The following NKAIN2 variants were observed in gnomAD, a reference collection of about 807,000 sequenced individuals.
The protein encoded by NKAIN2 is sodium/potassium transporting ATPase interacting 2.
A neutral mutation model predicts 32.6 loss-of-function variants in NKAIN2; 14 were observed. The ratio of observed to expected loss-of-function variants is 0.43; its 90% CI spans 0.28 to 0.67. The LOEUF (loss-of-function observed/expected upper bound fraction) is 0.67, where lower values mean the gene tolerates loss of function less well. NKAIN2 is among the 30% of genes least tolerant of loss of function. The probability of loss-of-function intolerance (pLI) is 0.17; values close to 1 mark genes in which losing one functional copy is unlikely to be tolerated. For missense variants in NKAIN2, 198 were observed against 258.3 expected, an observed-to-expected ratio of 0.77 and a Z score of 1.60; for synonymous variants, 80 against 87.2, an observed-to-expected ratio of 0.92 and a Z score of 0.46.
chr6:124,111,299 G>T (rs1267505328), intron 1 of NKAIN2, among the ~76,000 whole-genome samples: 1 of 151,828 alleles, frequency 6.6e-6, no homozygotes, highest in Non-Finnish European at 1.5e-5. Flanking sequence ...TGAAAATGAG[G>T]TGTGAAGTCT....
chr6:124,561,954 T>C (rs1034125628), intron 3 of NKAIN2, among the ~76,000 whole-genome samples: 6 of 152,222 alleles, frequency 3.9e-5, no homozygotes, highest in African/African-American at 1.2e-4. Context: ...GACTTCAATC[T>C]GGGCAGATCT....
intron 1 of NKAIN2, among the ~76,000 whole-genome samples, chr6:123,914,278 A>G (rs543894911): frequency 6.6e-4 from 100 of 152,086 alleles, no homozygotes; most frequent in Middle Eastern, 6.8e-3. Context: ...AGAGAGACAG[A>G]GACAGTCAGA....
At chr6:123,836,908 CTTAT>C (rs1343067924) in intron 1 of NKAIN2, among the ~76,000 whole-genome samples, 2 of 152,110 alleles carry the variant, frequency 1.3e-5, no homozygotes, top group Non-Finnish European at 2.9e-5. Flanking sequence ...TCCTCTCCGA[CTTAT>C]TTCTCATTCC....
intron 1 of NKAIN2, among the ~76,000 whole-genome samples, chr6:124,259,957 T>C (rs943003373): frequency 6.6e-6 from 1 of 152,164 alleles, no homozygotes; most frequent in Non-Finnish European, 1.5e-5. Flanking sequence ...CAAATAATGA[T>C]TAATATTCTT....
chr6:123,837,561 CTG>C (rs1262055922), intron 1 of NKAIN2, among the ~76,000 whole-genome samples: 1 of 152,122 alleles, frequency 6.6e-6, no homozygotes, highest in African/African-American at 2.4e-5. Flanking sequence ...CCTTTTGTAA[CTG>C]TTTGATTTTT....
intron 3 of NKAIN2, among the ~76,000 whole-genome samples, chr6:124,491,042 C>T (rs1436115323): frequency 6.6e-6 from 1 of 151,890 alleles, no homozygotes; most frequent in Non-Finnish European, 1.5e-5. Context: ...TTTCTGGTTG[C>T]AAGATTTAGA....
At chr6:123,948,054 T>C (rs1190930278) in intron 1 of NKAIN2, among the ~76,000 whole-genome samples, 1 of 152,140 alleles carries the variant, frequency 6.6e-6, no homozygotes, top group Non-Finnish European at 1.5e-5. Flanking sequence ...CTTAACATAA[T>C]ATTTTCCAGT....
Position 123,804,093 on chromosome 6 carries a change from A to T in NKAIN2, c.-108A>T. ...CAGCAGCAGCAGCCCGGAGCCCCCG[A>T]GCCCTCGGCAGGTTTGCGTGTCCTT... On this transcript the variant is annotated 5_prime_UTR_variant, in exon 1 of 7. Coordinates refer to ENST00000368417, the MANE Select transcript of NKAIN2 (RefSeq NM_001040214.3). 3.1e-6 allele frequency: 3 copies of T among 982,878 alleles called. No homozygotes were observed. Among genetic ancestry groups the T allele is most frequent in the Non-Finnish European group, 4.9e-6 (3 of 606,288 alleles). 60.9% of individuals were successfully genotyped at this position (982,878 alleles called of 1,614,324 possible). A position where few individuals can be genotyped will look rare whatever the true frequency, so the allele number is the denominator to read the frequency against.
intron 3 of NKAIN2, among the ~76,000 whole-genome samples, chr6:124,454,108 G>A (rs560711568): frequency 3.1e-5 from 1 of 31,764 alleles, no homozygotes; most frequent in Admixed American, 3.8e-4. Flanking sequence ...TTTTTTTTTG[G>A]GGGGGGGGGT....
intron 1 of NKAIN2, among the ~76,000 whole-genome samples, chr6:123,912,333 T>C (rs1775256551): frequency 6.6e-6 from 1 of 152,126 alleles, no homozygotes; most frequent in South Asian, 2.1e-4. Context: ...ACATATTTTG[T>C]AATTTGTATG....
chr6:124,222,968 GAA>G (rs1411917701), intron 1 of NKAIN2, among the ~76,000 whole-genome samples: 1 of 151,974 alleles, frequency 6.6e-6, no homozygotes, highest in Non-Finnish European at 1.5e-5. Context: ...GCTTTAAAGA[GAA>G]AGAGACCCCA....
At chr6:124,693,208 T>C (rs1457467855) in intron 4 of NKAIN2, among the ~76,000 whole-genome samples, 1 of 152,200 alleles carries the variant, frequency 6.6e-6, no homozygotes, top group Non-Finnish European at 1.5e-5. Context: ...TAGATTATAA[T>C]ACTGTTTTTT....
chr6:124,709,239 G>C lies in NKAIN2; in HGVS notation c.474+50853G>C, dbSNP rs1170601136. On this transcript the variant is annotated intron_variant, in intron 4 of 6. Transcript: ENST00000368417. ...TTTGATGTGCTGCTGGATTTGTTTTGCCAGTATTTTATTGAGGATTTTTGC... is the reference window on the plus strand; with the variant it reads ...TTTGATGTGCTGCTGGATTTGTTTTCCCAGTATTTTATTGAGGATTTTTGC... Among the ~76,000 whole-genome samples the C allele has an allele frequency of 7.2e-3, 1,069 of 149,026 alleles. 16 individuals carry two copies. The highest frequency in any genetic ancestry group is 0.025 in the African/African-American group (995 of 40,190).
chr6:124,531,295 C>CT (rs200535781), intron 3 of NKAIN2, among the ~76,000 whole-genome samples: 17 of 151,678 alleles, frequency 1.1e-4, no homozygotes, highest in African/African-American at 2.9e-4. Context: ...TCAAAACAGA[C>CT]TTTTTTTTTG....
chr6:124,517,628 G>T (rs1203115112), intron 3 of NKAIN2, among the ~76,000 whole-genome samples: 1 of 152,068 alleles, frequency 6.6e-6, no homozygotes, highest in East Asian at 1.9e-4. Flanking sequence ...GCCTCCTAGA[G>T]AGCCCCTAGT....
At chr6:124,289,521 T>C (rs997071522) in intron 2 of NKAIN2, among the ~76,000 whole-genome samples, 2 of 152,144 alleles carry the variant, frequency 1.3e-5, no homozygotes, top group African/African-American at 4.8e-5. Context: ...ACACAGCAAC[T>C]TGAGAAATCT....
intron 1 of NKAIN2, among the ~76,000 whole-genome samples, chr6:124,019,808 T>C (rs1257950665): frequency 6.6e-6 from 1 of 152,100 alleles, no homozygotes; most frequent in Non-Finnish European, 1.5e-5. Context: ...CTTGACATGA[T>C]CCCCATCCTG....
At chr6:123,988,550 G>GT (rs1253154139) in intron 1 of NKAIN2, among the ~76,000 whole-genome samples, 2 of 152,170 alleles carry the variant, frequency 1.3e-5, no homozygotes, top group Non-Finnish European at 1.5e-5. Context: ...TCTTAAAGCT[G>GT]TAAAACTACT....
intron 1 of NKAIN2, among the ~76,000 whole-genome samples, chr6:124,159,360 A>G (rs1440030082): frequency 3.3e-5 from 5 of 152,094 alleles, no homozygotes; most frequent in Non-Finnish European, 5.9e-5. Context: ...CCACTCAGGG[A>G]CTCTCAAACC....
Sources: allele counts gnomAD v4.1 joint callset (sites outside exome capture counted in the v4.1 genomes callset), GRCh38; gene constraint gnomAD v4.1.1; transcripts MANE v1.5; gene names NCBI Gene and HGNC (gene_info 2026-07-23, HGNC 2026-07-21).